The following GALNTL5 variants were observed in gnomAD, a reference collection of about 807,000 sequenced individuals.
The protein encoded by GALNTL5 is inactive polypeptide N-acetylgalactosaminyltransferase-like protein 5.
In GALNTL5, 44 loss-of-function variants were observed where a neutral mutation model predicts 51.0. The observed-to-expected ratio is 0.86, with a 90% CI of 0.68 to 1.11. The LOEUF (loss-of-function observed/expected upper bound fraction) is 1.11. Among genes scored for constraint, GALNTL5 ranks in the 50% least tolerant of loss-of-function variants. The pLI is 0.00. For missense variants in GALNTL5, 528 were observed against 531.8 expected, an observed-to-expected ratio of 0.99 and a Z score of 0.07; for synonymous variants, 192 against 182.8, an observed-to-expected ratio of 1.05 and a Z score of -0.41.
chr7:151,970,960 A>G lies in GALNTL5; in HGVS notation c.263A>G (p.His88Arg). The change falls in exon 3 of 9, where the codon CAT (histidine) becomes CGT (arginine). Residue 88 changes from histidine (H) to arginine (R), a missense_variant. Transcript: ENST00000392800. ...TTTCTTGCAGGTACAGATTTTAACC[A>G]TACAAACCCAGAACTTCATAAAGAA... ...AKSMLGTDFN[H>R]TNPELHKELL... The G allele has an allele frequency of 6.2e-7, 1 of 1,603,222 alleles. No homozygotes were observed. The highest frequency in any genetic ancestry group is 8.5e-7 in the Non-Finnish European group (1 of 1,171,164).
intron 3 of GALNTL5, among the ~76,000 whole-genome samples, chr7:151,971,276 T>C (rs923893018): frequency 9.2e-5 from 14 of 152,180 alleles, no homozygotes; most frequent in African/African-American, 3.4e-4. Flanking sequence ...GAATGTCTTC[T>C]TCGTGGGCAC....
intron 1 of GALNTL5, among the ~76,000 whole-genome samples, chr7:151,958,394 C>A (rs771343274): frequency 6.6e-6 from 1 of 152,212 alleles, no homozygotes; most frequent in East Asian, 1.9e-4. Context: ...CTCAGAGATG[C>A]CAACCGCCAC....
intron 4 of GALNTL5, among the ~76,000 whole-genome samples, chr7:151,986,277 G>T (rs7793790): frequency 6.6e-6 from 1 of 152,182 alleles, no homozygotes; most frequent in African/African-American, 2.4e-5. Context: ...ATAATGCATG[G>T]TTTTTCTATT....
At chr7:151,975,837 G>T (rs1433157025) in intron 3 of GALNTL5, among the ~76,000 whole-genome samples, 1 of 151,872 alleles carries the variant, frequency 6.6e-6, no homozygotes, top group Non-Finnish European at 1.5e-5. Context: ...CCCATTGGTT[G>T]GTTAGGAACA....
chr7:151,995,418 G>A (rs1434374741), intron 5 of GALNTL5: 2 of 125,664 alleles, frequency 1.6e-5, no homozygotes, highest in African/African-American at 6.0e-5. Flanking sequence ...TCATGATTTG[G>A]AGGCAAACAT....
At chr7:151,979,043 G>T (rs539312867) in intron 3 of GALNTL5, among the ~76,000 whole-genome samples, 2 of 151,174 alleles carry the variant, frequency 1.3e-5, no homozygotes, top group Non-Finnish European at 2.9e-5. Flanking sequence ...AATGTGTAAG[G>T]TTAGCAAATT....
chr7:151,963,694 G>C (rs1408932901), intron 1 of GALNTL5, among the ~76,000 whole-genome samples: 1 of 152,158 alleles, frequency 6.6e-6, no homozygotes. Flanking sequence ...CACTGCGCCT[G>C]GCCATTTATT....
At chr7:151,979,895 C>T (rs929202412) in intron 3 of GALNTL5, among the ~76,000 whole-genome samples, 1 of 152,146 alleles carries the variant, frequency 6.6e-6, no homozygotes, top group Non-Finnish European at 1.5e-5. Flanking sequence ...ACTGAAGGGA[C>T]GCAGTTTATT....
chr7:151,975,848 T>G (rs2081199104), intron 3 of GALNTL5, among the ~76,000 whole-genome samples: 1 of 152,108 alleles, frequency 6.6e-6, no homozygotes, highest in Non-Finnish European at 1.5e-5. Context: ...GTTAGGAACA[T>G]GTTGTTTAAT....
intron 3 of GALNTL5, among the ~76,000 whole-genome samples, chr7:151,974,567 C>T (rs943971839): frequency 3.3e-5 from 5 of 152,086 alleles, no homozygotes; most frequent in African/African-American, 4.8e-5. Flanking sequence ...ACTCAAGAGA[C>T]GTGGAGTTTG....
rs182597928 is a variant in GALNTL5 at position 151,994,185 on chromosome 7, G to A, written c.658+6904G>A. Among the ~76,000 whole-genome samples, 305 of 152,332 alleles carry A rather than the reference G, an allele frequency of 2.0e-3. 1 individual carries two copies. The highest frequency in any genetic ancestry group is 2.5e-3 in the Non-Finnish European group (169 of 68,028). ...ATGTAGGTGGCTGCCTGAGCCAGGCGTGCTCCTGAGTCACAAGTATGGGAT... is the reference window on the plus strand; with the variant it reads ...ATGTAGGTGGCTGCCTGAGCCAGGCATGCTCCTGAGTCACAAGTATGGGAT... On this transcript the variant is annotated intron_variant, in intron 5 of 8. Coordinates refer to ENST00000392800, the MANE Select transcript of GALNTL5 (RefSeq NM_145292.4).
chr7:152,003,463 C>T (rs1433844715), intron 6 of GALNTL5, among the ~76,000 whole-genome samples: 1 of 152,220 alleles, frequency 6.6e-6, no homozygotes, highest in African/African-American at 2.4e-5. Flanking sequence ...CTCTCAACTT[C>T]AATGTCGTCC....
At chr7:151,999,691 C>T (rs2081546942) in intron 5 of GALNTL5, among the ~76,000 whole-genome samples, 1 of 152,074 alleles carries the variant, frequency 6.6e-6, no homozygotes, top group Admixed American at 6.6e-5. Context: ...ATCAAATGAG[C>T]AGACATGATT....
At chr7:151,988,024 G>A (rs1206166236) in intron 5 of GALNTL5, among the ~76,000 whole-genome samples, 2 of 152,166 alleles carry the variant, frequency 1.3e-5, no homozygotes, top group Non-Finnish European at 2.9e-5. Flanking sequence ...TTTGGCAGTG[G>A]GAAGCACTCA....
At position 151,983,032 on chromosome 7, in the gene GALNTL5, G is replaced by A. The variant is rs1244066608; in HGVS notation, c.415G>A (p.Val139Ile). 6.2e-7 allele frequency: 1 copy of A among 1,614,142 alleles called. No homozygotes were observed. The highest frequency in any genetic ancestry group is 8.5e-7 in the Non-Finnish European group (1 of 1,180,032). ...YPARLPTASI[V>I]ICFYNEECNA... ...AGCCCGCCTCCCGACTGCCAGCATT[G>A]TCATTTGCTTCTATAATGAAGAATG... Residue 139 changes from valine to isoleucine, a missense_variant, in exon 4 of 9, where the codon GTC becomes ATC. Val to Ile is a conservative substitution (Grantham distance 29). Coordinates refer to ENST00000392800, the MANE Select transcript of GALNTL5 (RefSeq NM_145292.4).
At chr7:151,995,407 G>A (rs899542526) in intron 5 of GALNTL5, 4 of 115,616 alleles carry the variant, frequency 3.5e-5, no homozygotes, top group African/African-American at 1.3e-4. Context: ...GAGCGGAAGT[G>A]TCATGATTTG....
chr7:152,011,635 C>T (rs1276518670), intron 7 of GALNTL5, among the ~76,000 whole-genome samples: 1 of 152,240 alleles, frequency 6.6e-6, no homozygotes, highest in East Asian at 1.9e-4. Context: ...GTTGCTAAAT[C>T]TCCTTGGATG....
chr7:151,979,841 T>C lies in GALNTL5; in HGVS notation c.369-3145T>C, dbSNP rs75435932. ...CACACACCAGGTTCTCTTGGGGGTC[T>C]AAAGAGTCCTCATGTGAGTTTCAGG... is the stretch of plus-strand genomic sequence containing the variant. On this transcript the variant is annotated intron_variant, in intron 3 of 8. Coordinates refer to ENST00000392800, the MANE Select transcript of GALNTL5 (RefSeq NM_145292.4). 4.8e-3 allele frequency among the ~76,000 whole-genome samples: 737 copies of C among 152,288 alleles called. 9 individuals carry two copies. Among genetic ancestry groups the C allele is most frequent in the African/African-American group, 0.016 (655 of 41,558 alleles).
intron 2 of GALNTL5, among the ~76,000 whole-genome samples, chr7:151,969,256 C>T (rs1028205631): frequency 6.6e-6 from 1 of 152,166 alleles, no homozygotes; most frequent in African/African-American, 2.4e-5. Context: ...TACAAGTTCA[C>T]AAAGATTTCA....
Sources: allele counts gnomAD v4.1 joint callset (sites outside exome capture counted in the v4.1 genomes callset), GRCh38; gene constraint gnomAD v4.1.1; transcripts MANE v1.5; gene names NCBI Gene and HGNC (gene_info 2026-07-23, HGNC 2026-07-21).